The following HIBCH variants were observed in gnomAD, a reference collection of about 807,000 sequenced individuals.
HIBCH encodes the protein 3-hydroxyisobutyryl-CoA hydrolase, also known as 3-hydroxyisobutyryl-CoA hydrolase, mitochondrial.
HIBCH carries 50 observed loss-of-function variants against 58.2 expected under a neutral mutation model. That is an observed-to-expected ratio of 0.86 (90% CI 0.68 to 1.09). The LOEUF is 1.09. HIBCH is among the 50% of genes least tolerant of loss of function. The probability of loss-of-function intolerance (pLI) is 0.00; values close to 1 mark genes in which losing one functional copy is unlikely to be tolerated. For synonymous variants in HIBCH, 151 were observed against 146.9 expected, an observed-to-expected ratio of 1.03 and a Z score of -0.20; for missense variants, 450 against 449.7, an observed-to-expected ratio of 1.00 and a Z score of -0.01.
At position 190,197,920 on chromosome 2, in the gene HIBCH, A is replaced by G. The variant is rs565915934; in HGVS notation, c.*17+7180T>C. The stretch of plus-strand genomic sequence containing the variant: ...CTGACACTCATTGAGTTCTCCAAGT[A>G]ATTTTTTTCAGGTTAACCATGTCCA... On this transcript the variant is annotated intron_variant, in intron 1 of 1. Coordinates refer to the HIBCH transcript ENST00000399855. The surrounding 1 kb of genome is among the most constrained non-coding windows in gnomAD (Gnocchi z 4.0). Among the ~76,000 whole-genome samples the G allele has an allele frequency of 1.1e-4, 17 of 152,258 alleles. No individual in the cohort carries two copies. The highest frequency in any genetic ancestry group is 6.5e-4 in the Admixed American group (10 of 15,298).
intron 11 of HIBCH, among the ~76,000 whole-genome samples, chr2:190,227,609 G>A (rs1204476171): frequency 6.6e-6 from 1 of 152,136 alleles, no homozygotes; most frequent in African/African-American, 2.4e-5. Flanking sequence ...CCATCGGAGT[G>A]AACAGGCAAC....
At chr2:190,298,079 A>G (rs1351199713) in intron 2 of HIBCH, among the ~76,000 whole-genome samples, 1 of 152,196 alleles carries the variant, frequency 6.6e-6, no homozygotes, top group African/African-American at 2.4e-5. Flanking sequence ...TGCGAAGGAC[A>G]TGAGCTCATT....
At position 190,306,613 on chromosome 2, in the gene HIBCH, C is replaced by T. The variant is rs1444256004; in HGVS notation, c.78+4141G>A. ...AAGAGAAACCTTGCTCAGTGTTGCTCGCTGTGCCACTCATAAAAAATTCTA... is the reference window on the plus strand; with the variant it reads ...AAGAGAAACCTTGCTCAGTGTTGCTTGCTGTGCCACTCATAAAAAATTCTA... On this transcript the variant is annotated intron_variant, in intron 2 of 13. Transcript: ENST00000359678. The surrounding 1 kb of genome is among the most constrained non-coding windows in gnomAD (Gnocchi z 4.6). Among the ~76,000 whole-genome samples the T allele has an allele frequency of 2.0e-5, 3 of 152,140 alleles. No individual in the cohort carries two copies. The highest frequency in any genetic ancestry group is 2.0e-4 in the Admixed American group (3 of 15,270).
At position 190,309,613 on chromosome 2, in the gene HIBCH, G is replaced by C. The variant is rs141353403; in HGVS notation, c.78+1141C>G. ...GCTCTGTCGCCCAGGCTGGAGTGCA[G>C]TGGCGCATCTTGGCTCACTGCAAGC... is the stretch of plus-strand genomic sequence containing the variant. On this transcript the variant is annotated intron_variant, in intron 2 of 13. Transcript: ENST00000359678. Among the ~76,000 whole-genome samples, 1,014 of 151,150 alleles carry C rather than the reference G, an allele frequency of 6.7e-3. 12 individuals are homozygous for C. Among genetic ancestry groups the C allele is most frequent in the African/African-American group, 0.022 (922 of 41,116 alleles).
intron 1 of HIBCH, among the ~76,000 whole-genome samples, chr2:190,316,327 A>G (rs1391259164): frequency 2.0e-5 from 3 of 151,988 alleles, no homozygotes; most frequent in African/African-American, 7.3e-5. Context: ...GAGACAGTCT[A>G]TGTTGCCCAG....
chr2:190,264,528 T>A (rs951478742), intron 6 of HIBCH, among the ~76,000 whole-genome samples: 3 of 152,208 alleles, frequency 2.0e-5, no homozygotes, highest in Non-Finnish European at 4.4e-5. Flanking sequence ...TTCTGGTTTA[T>A]CTAGATATAA....
Position 190,261,665 on chromosome 2 carries a change from G to A in HIBCH, c.439-431C>T, listed in dbSNP as rs139949424. 2.8e-4 allele frequency among the ~76,000 whole-genome samples: 42 copies of A among 152,050 alleles called. 1 individual carries two copies. In the East Asian group the frequency reaches 8.1e-3, roughly 29 times the overall value. On this transcript the variant is annotated intron_variant, in intron 6 of 13. Transcript: ENST00000359678. ...TCACACTCTATTCCATGGCCTGCAA[G>A]GCTCTATATCACCTGGCCTAGCTGA...
At chr2:190,271,376 C>T (rs920906020) in intron 6 of HIBCH, among the ~76,000 whole-genome samples, 5 of 150,566 alleles carry the variant, frequency 3.3e-5, no homozygotes, top group African/African-American at 1.2e-4. Context: ...GCAACCTCTA[C>T]CTCCCGGGTT....
intron 2 of HIBCH, among the ~76,000 whole-genome samples, chr2:190,307,776 G>C (rs539800599): frequency 1.3e-5 from 2 of 152,316 alleles, no homozygotes; most frequent in African/African-American, 4.8e-5. Flanking sequence ...TCTACAGATA[G>C]AAATGAGGCC....
At chr2:190,314,300 CATATATATGTGTATATATATGT>C (rs1688639459) in intron 1 of HIBCH, among the ~76,000 whole-genome samples, 1 of 42,398 alleles carries the variant, frequency 2.4e-5, no homozygotes, top group Non-Finnish European at 5.4e-5. Flanking sequence ...TGTATATATA[CATATATATGTGTATATATATGT>C]ATATATGTAT....
chr2:190,191,619 C>CT (rs1689714568), intron 1 of HIBCH, among the ~76,000 whole-genome samples: 1 of 152,192 alleles, frequency 6.6e-6, no homozygotes. Flanking sequence ...TGCAGTTGCT[C>CT]TGTATATGCA....
chr2:190,293,967 G>A (rs1688029082), intron 4 of HIBCH, among the ~76,000 whole-genome samples: 2 of 146,172 alleles, frequency 1.4e-5, no homozygotes, highest in African/African-American at 5.0e-5. Flanking sequence ...ATCTCAGCAT[G>A]TTTAAACACG....
chr2:190,196,061 G>GTTA (rs1553490766), intron 1 of HIBCH, among the ~76,000 whole-genome samples: 1 of 148,028 alleles, frequency 6.8e-6, no homozygotes, highest in African/African-American at 2.5e-5. Context: ...CCTTTCAATT[G>GTTA]TTATTTTTAG....
intron 6 of HIBCH, among the ~76,000 whole-genome samples, chr2:190,266,882 G>A (rs965971755): frequency 5.3e-5 from 8 of 151,648 alleles, no homozygotes; most frequent in Non-Finnish European, 1.0e-4. Context: ...TCAGCCTCCC[G>A]AGCAGCTGAG....
rs1327390882 is a variant in HIBCH, at chr2:190,217,424, C to T, written c.892-4349G>A. ...GCTTGAACCCAGGAGATGGAGGTTGCAGTGAGTTGAGATCACACACTGCAC... is the reference window on the plus strand; with the variant it reads ...GCTTGAACCCAGGAGATGGAGGTTGTAGTGAGTTGAGATCACACACTGCAC... On this transcript the variant is annotated intron_variant, in intron 11 of 13. Transcript: ENST00000359678. This position sits in a 1 kb window ranked among gnomAD's most constrained non-coding sequence, Gnocchi z 4.6. 6.6e-6 allele frequency among the ~76,000 whole-genome samples: 1 copy of T among 152,092 alleles called. No homozygotes were observed. Among genetic ancestry groups the T allele is most frequent in the Non-Finnish European group, 1.5e-5 (1 of 68,018 alleles).
intron 6 of HIBCH, among the ~76,000 whole-genome samples, chr2:190,266,279 T>C (rs944819687): frequency 6.6e-6 from 1 of 152,220 alleles, no homozygotes; most frequent in Non-Finnish European, 1.5e-5. Flanking sequence ...ATTCAAATAA[T>C]GTGTGTGCAT....
chr2:190,196,297 G>A (rs1174723757), intron 1 of HIBCH, among the ~76,000 whole-genome samples: 3 of 151,876 alleles, frequency 2.0e-5, no homozygotes, highest in South Asian at 4.1e-4. Flanking sequence ...ATAGATTTAT[G>A]TTCAAGTTCA....
intron 11 of HIBCH, among the ~76,000 whole-genome samples, chr2:190,240,336 G>A (rs1050369439): frequency 7.2e-5 from 11 of 152,070 alleles, no homozygotes; most frequent in Non-Finnish European, 1.2e-4. Flanking sequence ...CTGTGGGATC[G>A]GTGGTGATAT....
intron 11 of HIBCH, among the ~76,000 whole-genome samples, chr2:190,232,671 A>C (rs1686139364): frequency 6.6e-6 from 1 of 152,186 alleles, no homozygotes; most frequent in South Asian, 2.1e-4. Flanking sequence ...AAAACATAAT[A>C]ATAGAGGCCG....
Sources: gnomAD v4.1 joint callset for allele counts (sites outside exome capture counted in the v4.1 genomes callset) on GRCh38, gnomAD v4.1.1 for gene constraint, Gnocchi (gnomAD v3.1) non-coding constraint, MANE v1.5 for transcripts, NCBI Gene and HGNC (gene_info 2026-07-23, HGNC 2026-07-21) for gene names.